FOXP2: variants seen among roughly 807,000 people sequenced by gnomAD.
FOXP2 encodes forkhead box P2.
Under a neutral mutation model 115.8 loss-of-function variants are expected in FOXP2, and 12 were observed. The ratio of observed to expected loss-of-function variants is 0.10; its 90% confidence interval spans 0.07 to 0.17. The LOEUF (loss-of-function observed/expected upper bound fraction) is 0.17, where lower values mean the gene tolerates loss of function less well. Ranked by LOEUF, FOXP2 falls within the 10% of genes least tolerant of loss-of-function variation. FOXP2 has a pLI of 1.00. For synonymous variants in FOXP2, 328 were observed against 297.7 expected, an observed-to-expected ratio of 1.10 and a Z score of -1.05; for missense variants, 629 against 843.5, an observed-to-expected ratio of 0.75 and a Z score of 3.15.
intron 1 of FOXP2, among the ~76,000 whole-genome samples, chr7:114,103,347 TC>T (rs1554414824): frequency 6.6e-6 from 1 of 152,100 alleles, no homozygotes; most frequent in Non-Finnish European, 1.5e-5. Flanking sequence ...GAGGTTTTCT[TC>T]TGTGTCTTTG....
intron 3 of FOXP2, among the ~76,000 whole-genome samples, chr7:114,603,955 A>C (rs1803168308): frequency 6.6e-6 from 1 of 152,238 alleles, no homozygotes; most frequent in South Asian, 2.1e-4. Context: ...TAGAAACTTT[A>C]GATATGCCAG....
chr7:114,585,598 G>T (rs1802094878), intron 3 of FOXP2, among the ~76,000 whole-genome samples: 1 of 151,192 alleles, frequency 6.6e-6, no homozygotes, highest in Non-Finnish European at 1.5e-5. Flanking sequence ...AGGCATGGTG[G>T]CTCACGCCTG....
intron 2 of FOXP2, among the ~76,000 whole-genome samples, chr7:114,362,498 A>C (rs1791777533): frequency 6.6e-6 from 1 of 152,112 alleles, no homozygotes; most frequent in African/African-American, 2.4e-5. Context: ...TAAACAACTT[A>C]TGGTTATCCA....
chr7:114,490,840 A>AT (rs1246596394), intron 2 of FOXP2, among the ~76,000 whole-genome samples: 15 of 152,048 alleles, frequency 9.9e-5, no homozygotes, highest in African/African-American at 3.4e-4. Context: ...TGAACTCATC[A>AT]TTTTTTATGG....
intron 1 of FOXP2, among the ~76,000 whole-genome samples, chr7:114,149,029 T>C (rs1792460391): frequency 6.6e-6 from 1 of 152,160 alleles, no homozygotes; most frequent in Non-Finnish European, 1.5e-5. Context: ...CATTGAATTG[T>C]TAGTGCGGAA....
At chr7:114,155,296 C>T (rs1728429) in intron 1 of FOXP2, among the ~76,000 whole-genome samples, 3 of 152,072 alleles carry the variant, frequency 2.0e-5, no homozygotes, top group Non-Finnish European at 2.9e-5. Context: ...TATCCTCTTC[C>T]TTTGGAATTC....
In FOXP2 at chr7:114,534,671, T is replaced by A; in HGVS notation, c.223T>A (p.Ser75Thr). ...ACAGCAGCAAACAAGTGGATTGAAA[T>A]CTCCTAAGAGCAGTGATAAACAGAG... ...LLQQQTSGLK[S>T]PKSSDKQRPL... Residue 75 changes from serine to threonine, a missense_variant, in exon 3 of 17, where the codon TCT becomes ACT. Transcript: ENST00000350908. The A allele has an allele frequency of 6.2e-7, 1 of 1,611,998 alleles. No homozygotes were observed. The highest frequency in any genetic ancestry group is 8.5e-7 in the Non-Finnish European group (1 of 1,178,550).
chr7:114,256,165 C>A (rs970697789), intron 1 of FOXP2, among the ~76,000 whole-genome samples: 2 of 152,122 alleles, frequency 1.3e-5, no homozygotes, highest in African/African-American at 4.8e-5. Flanking sequence ...TGCAGTGGCA[C>A]AATCTTGGCT....
At chr7:114,112,297 T>C (rs953792064) in intron 1 of FOXP2, among the ~76,000 whole-genome samples, 1 of 151,242 alleles carries the variant, frequency 6.6e-6, no homozygotes, top group African/African-American at 2.4e-5. Flanking sequence ...GTTTCTGCAC[T>C]TTTTTTTTCT....
intron 3 of FOXP2, among the ~76,000 whole-genome samples, chr7:114,565,136 A>G (rs749756875): frequency 5.4e-5 from 8 of 148,054 alleles, no homozygotes; most frequent in African/African-American, 1.2e-4. Context: ...TCTAGATTTT[A>G]TCAGATTGCC....
chr7:114,457,908 A>G (rs1390519919), intron 2 of FOXP2, among the ~76,000 whole-genome samples: 1 of 152,084 alleles, frequency 6.6e-6, no homozygotes, highest in Middle Eastern at 3.2e-3. Context: ...AAAAAAAAAA[A>G]AAGTCTTCTC....
chr7:114,656,567 T>C, intron 10 of FOXP2: 1 of 423,494 alleles, frequency 2.4e-6, no homozygotes, highest in Non-Finnish European at 4.7e-6. Context: ...ATGCAGCATT[T>C]AGGAGCATTA....
intron 1 of FOXP2, among the ~76,000 whole-genome samples, chr7:114,416,929 C>T (rs566664034): frequency 6.6e-6 from 1 of 151,736 alleles, no homozygotes; most frequent in East Asian, 1.9e-4. Context: ...TAAAATTTCA[C>T]AGAATATGCT....
chr7:114,375,278 C>T (rs1187316385), intron 2 of FOXP2, among the ~76,000 whole-genome samples: 1 of 152,034 alleles, frequency 6.6e-6, no homozygotes, highest in African/African-American at 2.4e-5. Flanking sequence ...AAATGTATCT[C>T]TTCCTCTTCT....
chr7:114,621,129 T>C (rs1357532286), intron 3 of FOXP2, among the ~76,000 whole-genome samples: 1 of 152,078 alleles, frequency 6.6e-6, no homozygotes, highest in Non-Finnish European at 1.5e-5. Flanking sequence ...CCTTATACTA[T>C]AACTAATGGG....
At chr7:114,179,631 T>C (rs748672828) in intron 1 of FOXP2, among the ~76,000 whole-genome samples, 6 of 152,030 alleles carry the variant, frequency 3.9e-5, no homozygotes, top group Non-Finnish European at 8.8e-5. Context: ...TTAAATGCAA[T>C]CTTTTGGAAG....
At chr7:114,126,887 T>C (rs1234895984) in intron 1 of FOXP2, among the ~76,000 whole-genome samples, 1 of 152,200 alleles carries the variant, frequency 6.6e-6, no homozygotes, top group African/African-American at 2.4e-5. Context: ...TTTTGGCTGA[T>C]GCACTTATTA....
At chr7:114,343,596 A>G (rs761241789) in intron 2 of FOXP2, among the ~76,000 whole-genome samples, 6 of 151,706 alleles carry the variant, frequency 4.0e-5, no homozygotes, top group Non-Finnish European at 8.9e-5. Flanking sequence ...TAAAACTATC[A>G]GTTAACTCAC....
intron 2 of FOXP2, among the ~76,000 whole-genome samples, chr7:114,388,233 C>G (rs958553842): frequency 6.6e-6 from 1 of 152,044 alleles, no homozygotes; most frequent in Non-Finnish European, 1.5e-5. Flanking sequence ...GGCTTGTGGG[C>G]CTTTGCCTCT....
Sources: allele counts gnomAD v4.1 joint callset (sites outside exome capture counted in the v4.1 genomes callset), GRCh38; gene constraint gnomAD v4.1.1; transcripts MANE v1.5; gene names NCBI Gene and HGNC (gene_info 2026-07-23, HGNC 2026-07-21).